PCDHA7: variants seen among roughly 807,000 people sequenced by gnomAD.
The protein encoded by PCDHA7 is protocadherin alpha 7.
PCDHA7 carries 37 observed loss-of-function variants against 57.2 expected under a neutral mutation model. The observed-to-expected ratio is 0.65, with a 90% CI of 0.50 to 0.85. The LOEUF is 0.85. Among genes scored for constraint, PCDHA7 ranks in the 40% least tolerant of loss-of-function variants. The pLI is 0.00. For synonymous variants in PCDHA7, 553 were observed against 558.8 expected (o/e 0.99, Z 0.15); for missense variants, 1,188 against 1,241.8 (o/e 0.96, Z 0.65).
intron 1 of PCDHA7, chr5:140,870,955 C>A (rs782342308): frequency 1.9e-6 from 3 of 1,613,632 alleles, no homozygotes; most frequent in Non-Finnish European, 2.5e-6. Flanking sequence ...GGGCGGCTCG[C>A]GCATCCCGTT....
chr5:140,877,501 A>G lies in PCDHA7; in HGVS notation c.2355+40763A>G, dbSNP rs2057165784. On this transcript the variant is annotated intron_variant, in intron 1 of 3. Coordinates refer to ENST00000525929, the MANE Select transcript of PCDHA7 (RefSeq NM_018910.3). ...GCTGGTGGAGAACGGCCAGGCCCCA[A>G]AGACGTCGTCGCGGGCCTCAGTGGG... 3.1e-6 allele frequency: 5 copies of G among 1,613,804 alleles called. No homozygotes were observed. In the East Asian group the frequency reaches 1.1e-4, roughly 36 times the overall value.
At chr5:140,931,574 C>A (rs1311706898) in intron 1 of PCDHA7, among the ~76,000 whole-genome samples, 1 of 152,024 alleles carries the variant, frequency 6.6e-6, no homozygotes, top group Non-Finnish European at 1.5e-5. Flanking sequence ...CCATCCCATT[C>A]ATTCAGTTGA....
At chr5:140,946,044 A>G (rs1435633416) in intron 1 of PCDHA7, among the ~76,000 whole-genome samples, 1 of 152,160 alleles carries the variant, frequency 6.6e-6, no homozygotes, top group East Asian at 1.9e-4. Flanking sequence ...TGAAGGGACA[A>G]TCCACAGAAT....
rs2150412842 is a variant in PCDHA7 at position 140,848,560 on chromosome 5, C to A, written c.2355+11822C>A. 2.5e-6 allele frequency: 4 copies of A among 1,595,490 alleles called. No homozygotes were observed. The highest frequency in any genetic ancestry group is 3.4e-5 in the Admixed American group (2 of 59,252). On this transcript the variant is annotated intron_variant, in intron 1 of 3. Coordinates refer to ENST00000525929, the MANE Select transcript of PCDHA7 (RefSeq NM_018910.3). ...CTACTGCTCTCGCTTCTGATCCTCG[C>A]AATGTGGGTGGTGGGGAGCGGCCAG...
At chr5:140,894,405 C>T (rs1277416530) in intron 1 of PCDHA7, among the ~76,000 whole-genome samples, 4 of 151,926 alleles carry the variant, frequency 2.6e-5, no homozygotes, top group African/African-American at 9.7e-5. Flanking sequence ...CTTTGCTTTT[C>T]TTTTGTAGCT....
intron 1 of PCDHA7, among the ~76,000 whole-genome samples, chr5:140,932,302 G>A (rs565143074): frequency 6.6e-6 from 1 of 151,800 alleles, no homozygotes; most frequent in African/African-American, 2.4e-5. Context: ...AATTTTTAAA[G>A]GTATAAATAT....
chr5:140,986,714 CATT>C (rs1426352732), intron 3 of PCDHA7, among the ~76,000 whole-genome samples: 4 of 152,118 alleles, frequency 2.6e-5, no homozygotes, highest in Non-Finnish European at 4.4e-5. Flanking sequence ...CAGAAGATAA[CATT>C]ATAGCTTCTC....
At chr5:140,989,319 A>G (rs1291622013) in intron 3 of PCDHA7, among the ~76,000 whole-genome samples, 1 of 152,138 alleles carries the variant, frequency 6.6e-6, no homozygotes, top group Admixed American at 6.5e-5. Context: ...GGGTCTCACC[A>G]ACTTTGCCAC....
At chr5:140,927,318 C>T (rs149532133) in intron 1 of PCDHA7, 18,448 of 1,614,194 alleles carry the variant, frequency 0.011, 218 homozygotes, top group South Asian at 0.039. Flanking sequence ...CCGGAGCCCG[C>T]TTTACTCTCC....
chr5:140,879,470 T>C (rs73793510), intron 1 of PCDHA7, among the ~76,000 whole-genome samples: 2,106 of 152,256 alleles, frequency 0.014, 41 homozygotes, highest in African/African-American at 0.048. Flanking sequence ...GAGAATACCG[T>C]TGTGATTGGA....
Position 140,914,039 on chromosome 5 carries a change from G to A in PCDHA7, c.2356-64910G>A, listed in dbSNP as rs147787020. Among the ~76,000 whole-genome samples the A allele has an allele frequency of 2.0e-5, 3 of 152,238 alleles. No individual in the cohort carries two copies. In the East Asian group the frequency reaches 5.8e-4, roughly 29 times the overall value. ...ATGATCCACGTGCTGAGAAGAATGT[G>A]TATTCTGCAGCTGTTGGATGAAATG... is the stretch of plus-strand genomic sequence containing the variant. On this transcript the variant is annotated intron_variant, in intron 1 of 3. Coordinates refer to ENST00000525929, the MANE Select transcript of PCDHA7 (RefSeq NM_018910.3).
chr5:140,968,727 G>A, intron 1 of PCDHA7: 1 of 1,614,162 alleles, frequency 6.2e-7, no homozygotes, highest in Admixed American at 1.7e-5. Context: ...GAGAGTGGTA[G>A]CACTTTCAAC....
At chr5:140,870,720 G>T (rs544150374) in intron 1 of PCDHA7, 8 of 1,613,202 alleles carry the variant, frequency 5.0e-6, no homozygotes, top group Non-Finnish European at 6.8e-6. Flanking sequence ...CGCGCGATGC[G>T]GGCGTGCCGC....
At chr5:140,923,219 CGTTTG>C (rs2081242278) in intron 1 of PCDHA7, among the ~76,000 whole-genome samples, 3 of 151,974 alleles carry the variant, frequency 2.0e-5, no homozygotes, top group Admixed American at 1.3e-4. Context: ...GTGAAAGGAT[CGTTTG>C]AGCCCAGAAG....
At chr5:140,841,924 C>T (rs1199272696) in intron 1 of PCDHA7, 2 of 1,613,772 alleles carry the variant, frequency 1.2e-6, no homozygotes, top group African/African-American at 2.7e-5. Context: ...AATCCTTGGA[C>T]AGAGAGGACG....
intron 1 of PCDHA7, chr5:140,848,138 T>A: frequency 5.1e-6 from 1 of 197,510 alleles, no homozygotes; most frequent in East Asian, 1.1e-4. Context: ...TACAAAACTT[T>A]TAGAGGCAGT....
chr5:140,979,076 C>T, intron 2 of PCDHA7, 69 bp downstream of exon 2: 1 of 1,584,068 alleles, frequency 6.3e-7, no homozygotes, highest in Non-Finnish European at 8.6e-7. Flanking sequence ...AACTGCATCT[C>T]CATAGGCCAG....
In PCDHA7 at chr5:140,884,393, A is replaced by T. The variant is rs782150859; in HGVS notation, c.2355+47655A>T. 6.8e-6 allele frequency: 11 copies of T among 1,613,878 alleles called. No individual in the cohort carries two copies. In the South Asian group the frequency reaches 1.1e-4, roughly 16 times the overall value. On this transcript the variant is annotated intron_variant, in intron 1 of 3. Transcript: ENST00000525929. Reference sequence around the variant, plus strand: ...GATCATTGCCATCTGCGCGGTGTCCAGCCTGTTGGTGCTCACGTTGCTGCT... The same window carrying T: ...GATCATTGCCATCTGCGCGGTGTCCTGCCTGTTGGTGCTCACGTTGCTGCT...
chr5:140,853,402 A>C, intron 1 of PCDHA7: 1 of 986,360 alleles, frequency 1.0e-6, no homozygotes, highest in Non-Finnish European at 1.2e-6. Context: ...CAAGTTCAAA[A>C]CAGAGAGGTG....
Sources: gnomAD v4.1 joint callset for allele counts (sites outside exome capture counted in the v4.1 genomes callset) on GRCh38, gnomAD v4.1.1 for gene constraint, MANE v1.5 for transcripts, NCBI Gene and HGNC (gene_info 2026-07-23, HGNC 2026-07-21) for gene names.